Variants in DOK6 observed in about 807,000 individuals in gnomAD.
The protein encoded by DOK6 is downstream of tyrosine kinase 6.
In DOK6, 22 loss-of-function variants were observed where a neutral mutation model predicts 44.0. The ratio of observed to expected loss-of-function variants is 0.50; its 90% CI spans 0.36 to 0.71. The LOEUF is 0.71. Among genes scored for constraint, DOK6 ranks in the 30% least tolerant of loss-of-function variants. DOK6 has a pLI of 0.00. For missense variants in DOK6, 340 were observed against 416.4 expected (o/e 0.82, Z 1.60); for synonymous variants, 166 against 145.5 (o/e 1.14, Z -1.01).
chr18:69,615,043 T>C (rs922282251), intron 3 of DOK6, among the ~76,000 whole-genome samples: 6 of 152,134 alleles, frequency 3.9e-5, no homozygotes, highest in African/African-American at 1.4e-4. Context: ...AAAGCTGATT[T>C]AATAAATGTA....
chr18:69,805,716 A>AAAC (rs1419143100), intron 7 of DOK6, among the ~76,000 whole-genome samples: 2 of 152,100 alleles, frequency 1.3e-5, no homozygotes, highest in African/African-American at 4.8e-5. Context: ...ATCTAATGTA[A>AAAC]AGCATATATA....
intron 7 of DOK6, among the ~76,000 whole-genome samples, chr18:69,765,192 A>G (rs1261620852): frequency 6.6e-6 from 1 of 152,060 alleles, no homozygotes; most frequent in Non-Finnish European, 1.5e-5. Context: ...GAGATTTTCT[A>G]TTTTGTTTTT....
At chr18:69,545,208 A>C (rs1328167336) in intron 1 of DOK6, among the ~76,000 whole-genome samples, 1 of 150,958 alleles carries the variant, frequency 6.6e-6, no homozygotes, top group Non-Finnish European at 1.5e-5. Flanking sequence ...ATTCCGCATC[A>C]TTTCAGTTTT....
intron 6 of DOK6, among the ~76,000 whole-genome samples, chr18:69,745,638 A>G (rs1459412150): frequency 3.9e-5 from 6 of 152,194 alleles, no homozygotes; most frequent in Non-Finnish European, 5.9e-5. Context: ...AGGATTTCAG[A>G]GATTGATTCC....
chr18:69,435,920 G>T (rs1346977347), intron 1 of DOK6, among the ~76,000 whole-genome samples: 1 of 151,686 alleles, frequency 6.6e-6, no homozygotes, highest in East Asian at 1.9e-4. Context: ...TATAATTTAA[G>T]ATAATATCCC....
chr18:69,581,263 A>G (rs1021890616), intron 2 of DOK6, among the ~76,000 whole-genome samples: 9 of 152,132 alleles, frequency 5.9e-5, no homozygotes. Context: ...CCAGTGGTTG[A>G]TAACTTGTTT....
chr18:69,548,644 G>A (rs1599185730), intron 1 of DOK6, among the ~76,000 whole-genome samples: 1 of 151,498 alleles, frequency 6.6e-6, no homozygotes, highest in African/African-American at 2.4e-5. Context: ...TTGAAAAACC[G>A]AGTCATTGAA....
intron 3 of DOK6, among the ~76,000 whole-genome samples, chr18:69,600,301 A>G (rs1983842540): frequency 6.6e-6 from 1 of 152,174 alleles, no homozygotes. Context: ...ATATTATTCT[A>G]AAACTGATAA....
chr18:69,835,839 A>T (rs1982039451), intron 7 of DOK6, among the ~76,000 whole-genome samples: 1 of 152,240 alleles, frequency 6.6e-6, no homozygotes, highest in Non-Finnish European at 1.5e-5. Context: ...CAAAGTAATA[A>T]AACACATAAA....
intron 3 of DOK6, among the ~76,000 whole-genome samples, chr18:69,633,043 T>C (rs1984725354): frequency 6.6e-6 from 1 of 152,224 alleles, no homozygotes; most frequent in African/African-American, 2.4e-5. Flanking sequence ...GCATGGACTT[T>C]ATGGAACCCG....
intron 1 of DOK6, chr18:69,471,556 G>C (rs1980109213): frequency 6.6e-6 from 1 of 150,440 alleles, no homozygotes; most frequent in African/African-American, 2.4e-5. Flanking sequence ...GCAGGGATTT[G>C]TCCTTCTCTG....
chr18:69,485,903 G>GTT (rs1259427712), intron 1 of DOK6, among the ~76,000 whole-genome samples: 1 of 151,402 alleles, frequency 6.6e-6, no homozygotes, highest in Non-Finnish European at 1.5e-5. Flanking sequence ...GTGTGTGTGT[G>GTT]TGTATATGTA....
chr18:69,614,733 G>T (rs541304553), intron 3 of DOK6, among the ~76,000 whole-genome samples: 2 of 151,562 alleles, frequency 1.3e-5, no homozygotes, highest in Non-Finnish European at 2.9e-5. Context: ...CTTAGACATA[G>T]GTGAATGGAG....
intron 3 of DOK6, among the ~76,000 whole-genome samples, chr18:69,655,774 A>C (rs1388289525): frequency 6.8e-6 from 1 of 147,890 alleles, no homozygotes; most frequent in Non-Finnish European, 1.5e-5. Flanking sequence ...AAAAAAAAAA[A>C]AAAAAAAAAC....
intron 2 of DOK6, among the ~76,000 whole-genome samples, chr18:69,565,474 C>CGTGTGTGT (rs869115556): frequency 1.1e-5 from 1 of 87,582 alleles, no homozygotes; most frequent in African/African-American, 4.0e-5. Context: ...TCTGTCTCTA[C>CGTGTGTGT]GTGTGTGTGT....
chr18:69,794,042 C>T (rs1980674044), intron 7 of DOK6, among the ~76,000 whole-genome samples: 1 of 152,116 alleles, frequency 6.6e-6, no homozygotes, highest in South Asian at 2.1e-4. Context: ...CAGATGAATA[C>T]TCAGAGTGAT....
At chr18:69,692,233 G>A (rs1016659238) in intron 4 of DOK6, among the ~76,000 whole-genome samples, 1 of 152,124 alleles carries the variant, frequency 6.6e-6, no homozygotes, top group African/African-American at 2.4e-5. Context: ...ATTTATTTGA[G>A]ACTTTAAAAT....
chr18:69,552,459 C>T (rs1000767182), intron 1 of DOK6, among the ~76,000 whole-genome samples: 2 of 151,798 alleles, frequency 1.3e-5, no homozygotes, highest in Non-Finnish European at 2.9e-5. Context: ...AAATGTTTTT[C>T]CATAGGAACC....
At chr18:69,495,532 C>T (rs1243473458) in intron 1 of DOK6, among the ~76,000 whole-genome samples, 4 of 152,082 alleles carry the variant, frequency 2.6e-5, no homozygotes, top group African/African-American at 4.8e-5. Flanking sequence ...CCTGGGGCTT[C>T]TATAGGCATT....
Sources: gnomAD v4.1 joint callset for allele counts (sites outside exome capture counted in the v4.1 genomes callset) on GRCh38, gnomAD v4.1.1 for gene constraint, MANE v1.5 for transcripts, NCBI Gene and HGNC (gene_info 2026-07-23, HGNC 2026-07-21) for gene names.